The following DGKI variants were observed in gnomAD, a reference collection of about 807,000 sequenced individuals.
DGKI encodes the protein diacylglycerol kinase iota.
In DGKI, 55 loss-of-function variants were observed where a neutral mutation model predicts 147.5. That is an observed-to-expected ratio of 0.37 (90% confidence interval 0.30 to 0.47). The LOEUF (loss-of-function observed/expected upper bound fraction) is 0.47. Ranked by LOEUF, DGKI falls within the 20% of genes least tolerant of loss-of-function variation. DGKI has a pLI of 1.00. For missense variants in DGKI, 1,007 were observed against 1,323.8 expected (o/e 0.76, Z 3.71); for synonymous variants, 469 against 477.1 (o/e 0.98, Z 0.22).
intron 1 of DGKI, among the ~76,000 whole-genome samples, chr7:137,750,316 G>A (rs911746020): frequency 1.1e-4 from 16 of 152,104 alleles, no homozygotes; most frequent in African/African-American, 3.9e-4. Flanking sequence ...CTTCAACCTG[G>A]CAGATTCCAA....
chr7:137,424,437 T>C (rs1812700662), intron 28 of DGKI, among the ~76,000 whole-genome samples: 5 of 152,124 alleles, frequency 3.3e-5, no homozygotes, highest in Admixed American at 3.3e-4. Flanking sequence ...ACAGCTCCGG[T>C]CTACAGCTCC....
At chr7:137,498,068 G>T (rs1045265928) in intron 21 of DGKI, among the ~76,000 whole-genome samples, 23 of 151,174 alleles carry the variant, frequency 1.5e-4, no homozygotes, top group Non-Finnish European at 1.3e-4. Flanking sequence ...TCCAAGAAAT[G>T]GAAAAATTAT....
intron 12 of DGKI, among the ~76,000 whole-genome samples, chr7:137,592,024 G>C (rs1819635609): frequency 6.6e-6 from 1 of 152,156 alleles, no homozygotes; most frequent in Non-Finnish European, 1.5e-5. Context: ...ACTTACAATA[G>C]CAGGAGACAT....
intron 1 of DGKI, among the ~76,000 whole-genome samples, chr7:137,705,755 T>C (rs959006641): frequency 1.3e-5 from 2 of 152,152 alleles, no homozygotes; most frequent in African/African-American, 2.4e-5. Context: ...AAATAATAAA[T>C]ATTTATTGAA....
At chr7:137,718,764 G>A (rs181099716) in intron 1 of DGKI, among the ~76,000 whole-genome samples, 32 of 152,260 alleles carry the variant, frequency 2.1e-4, no homozygotes, top group African/African-American at 6.3e-4. Flanking sequence ...AGGAGAAGAC[G>A]GCCTCCTCTC....
At chr7:137,792,632 T>C (rs1430759195) in intron 1 of DGKI, among the ~76,000 whole-genome samples, 2 of 152,188 alleles carry the variant, frequency 1.3e-5, no homozygotes, top group Non-Finnish European at 2.9e-5. Flanking sequence ...GTGATCCACA[T>C]TGTTGGAGAT....
rs755732102 is a variant in DGKI at position 137,745,126 on chromosome 7, T to A, written c.402-55124A>T. On this transcript the variant is annotated intron_variant, in intron 1 of 32. Coordinates refer to ENST00000614521, the MANE Select transcript of DGKI (RefSeq NM_001321708.2). ...ATTTTAAAAATAAAAATAAAAAAAA[T>A]GTAGTGCAGCTGTAAAAACATCCGT... Among the ~76,000 whole-genome samples the A allele has an allele frequency of 7.9e-5, 12 of 152,114 alleles. No homozygotes were observed. In the South Asian group the frequency reaches 1.0e-3, roughly 13 times the overall value.
intron 27 of DGKI, among the ~76,000 whole-genome samples, chr7:137,462,679 C>T (rs901789082): frequency 6.6e-6 from 1 of 152,164 alleles, no homozygotes; most frequent in African/African-American, 2.4e-5. Context: ...TGTGTGGTTA[C>T]AAGGCCATTG....
At chr7:137,391,362 A>T in intron 32 of DGKI, 26 bp from the exon 33 acceptor site, 4 of 1,467,984 alleles carry the variant, frequency 2.7e-6, no homozygotes, top group Non-Finnish European at 3.7e-6. Context: ...GAGAAAAAAA[A>T]AAAGAGAGAG....
intron 1 of DGKI, among the ~76,000 whole-genome samples, chr7:137,736,765 G>A (rs544349219): frequency 2.6e-5 from 4 of 152,054 alleles, no homozygotes; most frequent in Non-Finnish European, 5.9e-5. Flanking sequence ...AAGCCTGAAT[G>A]AGTATGAAGA....
In DGKI at chr7:137,411,736, G is replaced by C. The variant is rs560596362; in HGVS notation, c.2799+434C>G. The stretch of plus-strand genomic sequence containing the variant: ...TCCAAGGGGATCAGGGTTCTTGTTT[G>C]ACTAACTATGAGAGTCCTTGTTTGA... On this transcript the variant is annotated intron_variant, in intron 29 of 32. Transcript: ENST00000614521. Among the ~76,000 whole-genome samples the C allele has an allele frequency of 2.0e-5, 3 of 152,260 alleles. No homozygotes were observed. In the East Asian group the frequency reaches 5.8e-4, roughly 29 times the overall value.
chr7:137,765,888 A>G (rs1413582982), intron 1 of DGKI, among the ~76,000 whole-genome samples: 1 of 152,200 alleles, frequency 6.6e-6, no homozygotes, highest in Non-Finnish European at 1.5e-5. Flanking sequence ...CCAAAGCTTT[A>G]TCTATGTTCC....
At chr7:137,775,891 C>T (rs1048263897) in intron 1 of DGKI, among the ~76,000 whole-genome samples, 2 of 151,870 alleles carry the variant, frequency 1.3e-5, no homozygotes, top group African/African-American at 4.8e-5. Context: ...AGTTTTTCGC[C>T]CTTTTTGCCC....
chr7:137,683,152 C>T (rs1369943409), intron 2 of DGKI, among the ~76,000 whole-genome samples: 1 of 152,022 alleles, frequency 6.6e-6, no homozygotes, highest in African/African-American at 2.4e-5. Context: ...CTGCTCTGAA[C>T]TCTGACACCC....
intron 27 of DGKI, among the ~76,000 whole-genome samples, chr7:137,461,582 A>G (rs1166547279): frequency 1.3e-5 from 2 of 152,232 alleles, no homozygotes; most frequent in African/African-American, 4.8e-5. Flanking sequence ...TAAGTGATTT[A>G]ACACAACAAT....
chr7:137,763,498 C>T (rs942791389), intron 1 of DGKI, among the ~76,000 whole-genome samples: 6 of 152,170 alleles, frequency 3.9e-5, no homozygotes, highest in Admixed American at 6.5e-5. Context: ...TCCTGTCCAA[C>T]GACTCCCAAA....
chr7:137,451,608 T>C (rs1585127467), intron 27 of DGKI, among the ~76,000 whole-genome samples: 1 of 152,214 alleles, frequency 6.6e-6, no homozygotes, highest in African/African-American at 2.4e-5. Flanking sequence ...TTATAAAGTA[T>C]TGCACCTCTT....
intron 1 of DGKI, among the ~76,000 whole-genome samples, chr7:137,719,056 T>C (rs1336575449): frequency 6.6e-6 from 1 of 152,200 alleles, no homozygotes; most frequent in Non-Finnish European, 1.5e-5. Context: ...GATTATCTCA[T>C]ACCCACCTTT....
intron 3 of DGKI, among the ~76,000 whole-genome samples, chr7:137,668,848 C>G (rs549925816): frequency 8.5e-5 from 13 of 152,282 alleles, no homozygotes; most frequent in Non-Finnish European, 1.9e-4. Flanking sequence ...GATGCTAAGA[C>G]TCTCCAAACC....
Sources: gnomAD v4.1 joint callset for allele counts (sites outside exome capture counted in the v4.1 genomes callset) on GRCh38, gnomAD v4.1.1 for gene constraint, MANE v1.5 for transcripts, NCBI Gene and HGNC (gene_info 2026-07-23, HGNC 2026-07-21) for gene names.